The following NRAP variants were observed in gnomAD, a reference collection of about 807,000 sequenced individuals.
The protein encoded by NRAP is nebulin related anchoring protein.
A neutral mutation model predicts 225.9 loss-of-function variants in NRAP; 189 were observed. That is an observed-to-expected ratio of 0.84 (90% CI 0.74 to 0.94). The LOEUF is 0.94. NRAP is among the 40% of genes least tolerant of loss of function. NRAP has a pLI of 0.00. For missense variants in NRAP, 2,176 were observed against 2,168.7 expected (o/e 1.00, Z -0.07); for synonymous variants, 769 against 790.7 (o/e 0.97, Z 0.46).
chr10:113,629,869 C>T lies in NRAP; in HGVS notation c.1843-84G>A, dbSNP rs546782207. On this transcript the variant is annotated intron_variant, in intron 18 of 41. Transcript: ENST00000359988. ...GATGTGAAAATGCAGGAAAGATTTC[C>T]GGGCTTTCGGGAGCAGGAGAATCGG... The T allele has an allele frequency of 1.3e-4, 119 of 922,212 alleles. 1 individual carries two copies. The highest frequency in any genetic ancestry group is 3.0e-4 in the Middle Eastern group (1 of 3,384). The allele number at this position is 922,212 out of a possible 1,614,324, so 57.1% of individuals were successfully genotyped here. A position where few individuals can be genotyped will look rare whatever the true frequency, so the allele number is the denominator to read the frequency against.
intron 3 of NRAP, among the ~76,000 whole-genome samples, chr10:113,661,734 C>G (rs867176265): frequency 3.3e-5 from 5 of 152,146 alleles, no homozygotes; most frequent in Non-Finnish European, 7.3e-5. Context: ...TTTACCTCCC[C>G]ATCTCAACCC....
intron 32 of NRAP, 89 bp downstream of exon 32, chr10:113,608,325 C>T: frequency 1.3e-6 from 1 of 774,096 alleles, no homozygotes; most frequent in Non-Finnish European, 2.2e-6. Flanking sequence ...AACACCCATG[C>T]TCTTTCTCAC....
chr10:113,663,732 AT>A, intron 1 of NRAP, 78 bp downstream of exon 1: 1 of 986,676 alleles, frequency 1.0e-6, no homozygotes, highest in Non-Finnish European at 1.6e-6. Flanking sequence ...AAATTTCCAT[AT>A]TTACCTATGT....
Position 113,589,689 on chromosome 10 carries a change from C to A in NRAP, c.5065G>T (p.Gly1689Cys). 2.5e-6 allele frequency: 4 copies of A among 1,614,138 alleles called. No homozygotes were observed. Among genetic ancestry groups the A allele is most frequent in the Non-Finnish European group, 3.4e-6 (4 of 1,180,022 alleles). ...ACGTAAGCTCCCTGGAGACCCAGGCCCCTTGCGTTGGCCAGTTCCGCAGCC... is the reference window on the plus strand; with the variant it reads ...ACGTAAGCTCCCTGGAGACCCAGGCACCTTGCGTTGGCCAGTTCCGCAGCC... ...RRAAELANAR[G>C]LGLQGAYRGA... The change falls in exon 41 of 42, where the codon GGC (glycine) becomes TGC (cysteine). Residue 1689 changes from glycine (G) to cysteine (C), a missense_variant. This residue lies in a region of NRAP where 445 missense variants were observed against 426.1 expected (regional missense o/e 1.04). Coordinates refer to ENST00000359988, the MANE Select transcript of NRAP (RefSeq NM_198060.4).
At chr10:113,653,966 CTAATTGCTAAG>C (rs1340979040) in intron 5 of NRAP, 44 bp downstream of exon 5, 10 of 1,031,998 alleles carry the variant, frequency 9.7e-6, no homozygotes, top group Non-Finnish European at 1.5e-5. Context: ...AACAGTCAAA[CTAATTGCTAAG>C]TAATTGCTAA....
At chr10:113,617,649 T>A (rs1474529487) in intron 25 of NRAP, 96 bp from the exon 26 acceptor site, 30 of 768,952 alleles carry the variant, frequency 3.9e-5, no homozygotes, top group Non-Finnish European at 6.6e-5. Context: ...TTAGAGTGAA[T>A]TTGTGAACAC....
chr10:113,597,862 A>T, intron 36 of NRAP, 107 bp downstream of exon 36: 1 of 807,694 alleles, frequency 1.2e-6, no homozygotes, highest in Non-Finnish European at 2.2e-6. Context: ...CTGGGAGTCC[A>T]GTGGCCATGA....
At chr10:113,623,780 G>T in intron 22 of NRAP, 144 bp from the exon 23 acceptor site, 1 of 624,246 alleles carries the variant, frequency 1.6e-6, no homozygotes. Flanking sequence ...AAATCATGTA[G>T]TCTGAATACA....
chr10:113,654,104 C>T lies in NRAP; in HGVS notation c.382G>A (p.Gly128Arg), dbSNP rs755646441. 8 of 1,612,562 alleles carry T rather than the reference C, an allele frequency of 5.0e-6. No individual in the cohort carries two copies. In the South Asian group the frequency reaches 8.8e-5, roughly 18 times the overall value. The change falls in exon 5 of 42, where the codon GGG (glycine) becomes AGG (arginine). Residue 128 changes from glycine to arginine, a missense_variant. Around this residue, in one of 3 missense-constraint regions of NRAP, gnomAD observed 1,708 missense variants for 1,695.5 expected, o/e 1.01. Coordinates refer to ENST00000359988, the MANE Select transcript of NRAP (RefSeq NM_198060.4). Reference sequence around the variant, plus strand: ...CCTGGGCACCAAGCATTCCCTTCCCCATATCCAGTCCAATAGGCTCTCTAC... The same window carrying T: ...CCTGGGCACCAAGCATTCCCTTCCCTATATCCAGTCCAATAGGCTCTCTAC... Reference protein sequence around the residue: ...ANERAYWTGYGEGNAWCPGAL... With the variant: ...ANERAYWTGYREGNAWCPGAL...
At chr10:113,610,127 A>G (rs1210895239) in intron 31 of NRAP, among the ~76,000 whole-genome samples, 2 of 152,178 alleles carry the variant, frequency 1.3e-5, no homozygotes, top group Non-Finnish European at 2.9e-5. Context: ...CAACAGGTGG[A>G]TCACTTGAGG....
chr10:113,629,769 C>A lies in NRAP; in HGVS notation c.1859G>T (p.Gly620Val). 1 of 1,613,044 alleles carries A rather than the reference C, an allele frequency of 6.2e-7. No homozygotes were observed. Among genetic ancestry groups the A allele is most frequent in the Non-Finnish European group, 8.5e-7 (1 of 1,179,008 alleles). Residue 620 changes from glycine to valine, a missense_variant, in exon 19 of 42, where the codon GGC becomes GTC. By Grantham distance (109) the Gly-to-Val change is moderately radical. Coordinates refer to ENST00000359988, the MANE Select transcript of NRAP (RefSeq NM_198060.4). ...KMSSEVEYKK[G>V]FEESKTRFHL... is the part of the protein sequence containing the mutation. Reference sequence around the variant, plus strand: ...AAACCGGGTCTTACTCTCTTCAAAGCCTTTCTTATATTCAACCTTGAATAT... The same window carrying A: ...AAACCGGGTCTTACTCTCTTCAAAGACTTTCTTATATTCAACCTTGAATAT...
chr10:113,610,002 G>A (rs534480506), intron 31 of NRAP, among the ~76,000 whole-genome samples: 10 of 151,634 alleles, frequency 6.6e-5, no homozygotes, highest in South Asian at 2.1e-4. Context: ...AGGGGGTTAC[G>A]GAGTGAGTCA....
intron 15 of NRAP, among the ~76,000 whole-genome samples, chr10:113,633,550 A>G (rs1489976013): frequency 6.6e-6 from 1 of 152,220 alleles, no homozygotes; most frequent in African/African-American, 2.4e-5. Context: ...CACAATGACA[A>G]AAATCCATCT....
chr10:113,614,116 G>A, intron 29 of NRAP, 67 bp downstream of exon 29: 1 of 990,428 alleles, frequency 1.0e-6, no homozygotes, highest in Non-Finnish European at 1.6e-6. Flanking sequence ...AATGAGGTTA[G>A]GTTGCCATGC....
intron 30 of NRAP, among the ~76,000 whole-genome samples, chr10:113,611,922 A>G (rs1847352801): frequency 6.6e-6 from 1 of 152,250 alleles, no homozygotes; most frequent in Non-Finnish European, 1.5e-5. Flanking sequence ...TGGACAAGAT[A>G]TTTAACTTCT....
At chr10:113,613,313 G>A (rs1592763248) in intron 29 of NRAP, among the ~76,000 whole-genome samples, 1 of 152,150 alleles carries the variant, frequency 6.6e-6, no homozygotes, top group Non-Finnish European at 1.5e-5. Context: ...CAGAGAACAC[G>A]TGAAGCTGTG....
Position 113,622,152 on chromosome 10 carries a change from G to C in NRAP, c.2486C>G (p.Ser829Cys), listed in dbSNP as rs1318460500. The change falls in exon 24 of 42, where the codon TCC becomes TGC. Residue 829 changes from serine (S) to cysteine (C), a missense_variant. Ser to Cys is a moderately radical substitution (Grantham distance 112, BLOSUM62 -1). Around this residue, in one of 3 missense-constraint regions of NRAP, gnomAD observed 1,708 missense variants for 1,695.5 expected, o/e 1.01. Coordinates refer to ENST00000359988, the MANE Select transcript of NRAP (RefSeq NM_198060.4). ...TTTTGCCCCAATGAGCTTCCCTCTG[G>C]ATCTCTCATAATCCTCCTTGTACTT... ...EVKYKEDYER[S>C]RGKLIGAKDV... 1.9e-6 allele frequency: 3 copies of C among 1,613,374 alleles called. No homozygotes were observed. The African/African-American group carries it at 4.0e-5, about 22-fold the overall frequency.
chr10:113,602,061 A>T (rs1200662314), intron 35 of NRAP, among the ~76,000 whole-genome samples: 6 of 152,048 alleles, frequency 3.9e-5, no homozygotes, highest in African/African-American at 1.4e-4. Flanking sequence ...AATTTTTTGT[A>T]GAGACAGGGT....
chr10:113,663,637 C>T (rs1359254336), intron 1 of NRAP, among the ~76,000 whole-genome samples, 174 bp downstream of exon 1: 2 of 151,704 alleles, frequency 1.3e-5, no homozygotes, highest in African/African-American at 4.8e-5. Flanking sequence ...TGAGACAACA[C>T]AGAAGAAATA....
Sources: gnomAD v4.1 joint callset for allele counts (sites outside exome capture counted in the v4.1 genomes callset) on GRCh38, gnomAD v4.1.1 for gene constraint, gnomAD v4.1.1 regional missense constraint, MANE v1.5 for transcripts, NCBI Gene and HGNC (gene_info 2026-07-23, HGNC 2026-07-21) for gene names.